ZNF462: variants seen among roughly 807,000 people sequenced by gnomAD.
ZNF462 encodes zinc finger protein 462, also known as zinc finger PBX1-interacting protein.
In ZNF462, 10 loss-of-function variants were observed where a neutral mutation model predicts 201.9. That is an observed-to-expected ratio of 0.05 (90% CI 0.03 to 0.08). The LOEUF (loss-of-function observed/expected upper bound fraction) is 0.08, where lower values mean the gene tolerates loss of function less well. Among genes scored for constraint, ZNF462 ranks in the 10% least tolerant of loss-of-function variants. ZNF462 has a pLI of 1.00. For missense variants in ZNF462, 2,523 were observed against 3,168.3 expected (o/e 0.80, Z 4.89); for synonymous variants, 1,227 against 1,193.3 (o/e 1.03, Z -0.58).
intron 6 of ZNF462, among the ~76,000 whole-genome samples, chr9:106,937,264 G>A (rs1043343258): frequency 2.6e-5 from 4 of 151,998 alleles, no homozygotes; most frequent in Admixed American, 6.6e-5. Context: ...TCTATATATT[G>A]TCATATATAT....
upstream of ZNF462, among the ~76,000 whole-genome samples, chr9:106,862,516 TC>T (rs1003343600): frequency 6.6e-6 from 1 of 151,880 alleles, no homozygotes; most frequent in Admixed American, 6.6e-5. The surrounding 1 kb of genome is among the most constrained non-coding windows in gnomAD (Gnocchi z 4.2). Flanking sequence ...TCATCTCATC[TC>T]CCTCTTCCCC....
intron 1 of ZNF462, among the ~76,000 whole-genome samples, chr9:106,863,613 G>A (rs1024136559): frequency 3.3e-5 from 5 of 151,762 alleles, no homozygotes; most frequent in African/African-American, 7.3e-5. Flanking sequence ...AGAGGAGGAG[G>A]AGGAAGAGGA....
At chr9:106,958,612 A>C (rs941069954) in intron 7 of ZNF462, among the ~76,000 whole-genome samples, 6 of 152,180 alleles carry the variant, frequency 3.9e-5, no homozygotes, top group Admixed American at 1.3e-4. Flanking sequence ...ACCCCTAAAG[A>C]GTAACCCATA....
rs1829838069 is a variant in ZNF462 at position 106,917,849 on chromosome 9, T to TATTC, written c.-30-5502_-30-5501insCATT. ...ATTTTGCTGGTTTATTATTTTTTTA[T>TATTC]ATTTATTTATTTATTTATTTATTTA... On this transcript the variant is annotated intron_variant, in intron 1 of 12. Coordinates refer to ENST00000277225, the MANE Select transcript of ZNF462 (RefSeq NM_021224.6). This position sits in a 1 kb window ranked among gnomAD's most constrained non-coding sequence, Gnocchi z 4.5. 9.9e-6 allele frequency among the ~76,000 whole-genome samples: 1 copy of TATTC among 101,042 alleles called. No individual in the cohort carries two copies. The highest frequency in any genetic ancestry group is 4.9e-5 in the African/African-American group (1 of 20,234). The allele number at this position is 101,042 out of a possible 152,430, so 66.3% of individuals were successfully genotyped here.
intron 7 of ZNF462, among the ~76,000 whole-genome samples, chr9:106,945,404 A>G (rs887743118): frequency 3.9e-5 from 6 of 152,306 alleles, no homozygotes; most frequent in Admixed American, 2.0e-4. Context: ...TAGGTCAGAC[A>G]TAAAATTCAG....
At chr9:106,898,305 G>A (rs1019464402) in intron 1 of ZNF462, among the ~76,000 whole-genome samples, 1 of 152,094 alleles carries the variant, frequency 6.6e-6, no homozygotes, top group South Asian at 2.1e-4. Context: ...GTGTGAAAAT[G>A]TTTGGGAGAT....
At chr9:106,964,284 C>T (rs915451703) in intron 7 of ZNF462, among the ~76,000 whole-genome samples, 2 of 152,054 alleles carry the variant, frequency 1.3e-5, no homozygotes, top group African/African-American at 4.8e-5. Flanking sequence ...GCATTCCAAA[C>T]AGCAGCACAC....
In ZNF462 at chr9:106,981,819, A is replaced by C. The variant is rs1023313535; in HGVS notation, c.6833-2367A>C. On this transcript the variant is annotated intron_variant, in intron 9 of 12. Transcript: ENST00000277225. The surrounding 1 kb of genome is among the most constrained non-coding windows in gnomAD (Gnocchi z 4.0). Reference sequence around the variant, plus strand: ...AAGACTGGAGAGTCACTGAATGACTATCTTTGAGGCGTGTGGGACATCATT... The same window carrying C: ...AAGACTGGAGAGTCACTGAATGACTCTCTTTGAGGCGTGTGGGACATCATT... 6.6e-6 allele frequency among the ~76,000 whole-genome samples: 1 copy of C among 152,214 alleles called. No individual in the cohort carries two copies. The highest frequency in any genetic ancestry group is 1.5e-5 in the Non-Finnish European group (1 of 68,040).
At chr9:106,951,233 C>T (rs1012826885) in intron 7 of ZNF462, among the ~76,000 whole-genome samples, 15 of 152,134 alleles carry the variant, frequency 9.9e-5, no homozygotes, top group Non-Finnish European at 1.6e-4. Flanking sequence ...CAAAAAGGTA[C>T]ATAGTACTTT....
intron 7 of ZNF462, among the ~76,000 whole-genome samples, chr9:106,960,398 A>G (rs1831776737): frequency 6.6e-6 from 1 of 152,072 alleles, no homozygotes; most frequent in Non-Finnish European, 1.5e-5. Flanking sequence ...ACGGCCTGTG[A>G]GCTCTAAATA....
Position 106,925,623 on chromosome 9 carries a change from C to T in ZNF462, c.1711C>T (p.Pro571Ser). The T allele has an allele frequency of 6.2e-7, 1 of 1,613,828 alleles. No homozygotes were observed. The highest frequency in any genetic ancestry group is 8.5e-7 in the Non-Finnish European group (1 of 1,179,852). Reference sequence around the variant, plus strand: ...GCCACAGCCACCACAGCTGCAGCCACCACATCAGGTGCCACCCCAGCCACA... The same window carrying T: ...GCCACAGCCACCACAGCTGCAGCCATCACATCAGGTGCCACCCCAGCCACA... ...QQPQPPQLQP[P>S]HQVPPQPQTQ... is the part of the protein sequence containing the mutation. Residue 571 changes from proline (P) to serine (S), a missense_variant, in exon 3 of 13, where the codon CCA (proline) becomes TCA (serine). This residue lies in a region of ZNF462 where 383 missense variants were observed against 453.4 expected (regional missense o/e 0.84). Coordinates refer to ENST00000277225, the MANE Select transcript of ZNF462 (RefSeq NM_021224.6). The surrounding 1 kb of genome is among the most constrained non-coding windows in gnomAD (Gnocchi z 7.9).
rs540338681 is a variant in ZNF462 at position 106,933,682 on chromosome 9, C to T, written c.6116+1133C>T. ...CCCACTGACTCATCAAAATAAAGCA[C>T]GTCTTTGAAAATATCAGTAAAATAC... On this transcript the variant is annotated intron_variant, in intron 5 of 12. Coordinates refer to ENST00000277225, the MANE Select transcript of ZNF462 (RefSeq NM_021224.6). The surrounding 1 kb of genome is among the most constrained non-coding windows in gnomAD (Gnocchi z 4.3). 4.6e-5 allele frequency among the ~76,000 whole-genome samples: 7 copies of T among 151,984 alleles called. No individual in the cohort carries two copies. In the East Asian group the frequency reaches 9.7e-4, roughly 21 times the overall value.
At chr9:106,879,345 C>T (rs549573191) in intron 1 of ZNF462, among the ~76,000 whole-genome samples, 7 of 118,764 alleles carry the variant, frequency 5.9e-5, no homozygotes, top group African/African-American at 2.2e-4. Context: ...CCCCCCCCCA[C>T]CCCCCACCTT....
rs1320333555 is a variant in ZNF462, at chr9:106,977,872, C to T, written c.6832+3599C>T. ...TAGATTAAAACAATAGAAATGTATT[C>T]TCTCACAGTTCTGGAAGCTAGAACT... On this transcript the variant is annotated intron_variant, in intron 9 of 12. Coordinates refer to ENST00000277225, the MANE Select transcript of ZNF462 (RefSeq NM_021224.6). The surrounding 1 kb of genome is among the most constrained non-coding windows in gnomAD (Gnocchi z 4.6). Among the ~76,000 whole-genome samples the T allele has an allele frequency of 1.3e-5, 2 of 151,266 alleles. No homozygotes were observed. The highest frequency in any genetic ancestry group is 2.9e-5 in the Non-Finnish European group (2 of 67,968).
intron 1 of ZNF462, among the ~76,000 whole-genome samples, chr9:106,863,660 G>A (rs1245625823): frequency 2.0e-5 from 3 of 152,084 alleles, no homozygotes; most frequent in Non-Finnish European, 4.4e-5. Flanking sequence ...AGGTGGCTGT[G>A]CTTTTCCTGC....
At chr9:106,863,123 A>G (rs909421806), upstream of ZNF462, 1 of 397,416 alleles carries the variant, frequency 2.5e-6, no homozygotes, top group East Asian at 3.6e-5. Flanking sequence ...AGAGAGAGAG[A>G]GAGGGAGAGA....
rs927514150 is a variant in ZNF462, at chr9:106,883,796, A to G, written c.-31+20441A>G. ...CAGCAGCCCTGGCTTGTTCATTTAG[A>G]TGGACAGGGGAGCCTACGCAAGTCA... On this transcript the variant is annotated intron_variant, in intron 1 of 12. Coordinates refer to ENST00000277225, the MANE Select transcript of ZNF462 (RefSeq NM_021224.6). This position sits in a 1 kb window ranked among gnomAD's most constrained non-coding sequence, Gnocchi z 4.9. 1.3e-5 allele frequency among the ~76,000 whole-genome samples: 2 copies of G among 152,182 alleles called. No homozygotes were observed. The highest frequency in any genetic ancestry group is 2.9e-5 in the Non-Finnish European group (2 of 68,028).
intron 1 of ZNF462, among the ~76,000 whole-genome samples, chr9:106,887,017 T>C (rs1370228227): frequency 2.6e-5 from 4 of 152,140 alleles, no homozygotes; most frequent in African/African-American, 9.7e-5. Context: ...CAAAACACTT[T>C]CTCCCTTGGT....
Position 106,950,682 on chromosome 9 carries a change from T to G in ZNF462, c.6427+11575T>G, listed in dbSNP as rs898909466. On this transcript the variant is annotated intron_variant, in intron 7 of 12. Transcript: ENST00000277225. The surrounding 1 kb of genome is among the most constrained non-coding windows in gnomAD (Gnocchi z 4.1). The stretch of plus-strand genomic sequence containing the variant: ...CATTAAAATTGATCAGTTCTGTGTG[T>G]TGTTCTGTGGACAATAAAATAAGAT... 6.6e-6 allele frequency among the ~76,000 whole-genome samples: 1 copy of G among 152,086 alleles called. No individual in the cohort carries two copies. The highest frequency in any genetic ancestry group is 6.6e-5 in the Admixed American group (1 of 15,212).
Sources: allele counts gnomAD v4.1 joint callset (sites outside exome capture counted in the v4.1 genomes callset), GRCh38; gene constraint gnomAD v4.1.1; regional missense constraint gnomAD v4.1.1; non-coding constraint Gnocchi (gnomAD v3.1); transcripts MANE v1.5; gene names NCBI Gene and HGNC (gene_info 2026-07-23, HGNC 2026-07-21).